Variants in STK32B observed in about 807,000 individuals in gnomAD.
STK32B encodes the protein serine/threonine kinase 32B, also known as serine/threonine-protein kinase 32B.
Under a neutral mutation model 52.6 loss-of-function variants are expected in STK32B, and 43 were observed. That is an observed-to-expected ratio of 0.82 (90% confidence interval 0.64 to 1.05). The LOEUF is 1.05. Ranked by LOEUF, STK32B falls within the 50% of genes least tolerant of loss-of-function variation. The probability of loss-of-function intolerance (pLI) is 0.00; values close to 1 mark genes in which losing one functional copy is unlikely to be tolerated. For synonymous variants in STK32B, 238 were observed against 204.3 expected (o/e 1.17, Z -1.41); for missense variants, 621 against 534.6 (o/e 1.16, Z -1.59).
chr4:5,211,164 TC>T (rs777956022), intron 3 of STK32B, among the ~76,000 whole-genome samples: 44 of 152,146 alleles, frequency 2.9e-4, no homozygotes, highest in Non-Finnish European at 1.8e-4. Context: ...CTCTGAGAAT[TC>T]CTTCAGTAAA....
intron 3 of STK32B, among the ~76,000 whole-genome samples, chr4:5,303,773 G>A (rs978121194): frequency 1.3e-5 from 2 of 152,028 alleles, no homozygotes; most frequent in East Asian, 1.9e-4. Context: ...GTCTAGAAGG[G>A]ATTTTCCAAT....
chr4:5,087,634 G>A (rs1383693837), intron 1 of STK32B, among the ~76,000 whole-genome samples: 3 of 151,688 alleles, frequency 2.0e-5, no homozygotes, highest in Non-Finnish European at 4.4e-5. Context: ...AAACAAAATA[G>A]AAGCAGAGTG....
rs548021481 is a variant in STK32B at position 5,491,148 on chromosome 4, C to G, written c.1107-7797C>G. On this transcript the variant is annotated intron_variant, in intron 11 of 11. Coordinates refer to ENST00000282908, the MANE Select transcript of STK32B (RefSeq NM_018401.3). Reference sequence around the variant, plus strand: ...GTTCTAGATTGCTGAAGAATCACCACACTGACTTCCACAATGGTTGAACTA... The same window carrying G: ...GTTCTAGATTGCTGAAGAATCACCAGACTGACTTCCACAATGGTTGAACTA... Among the ~76,000 whole-genome samples the G allele has an allele frequency of 2.0e-5, 3 of 152,322 alleles. No individual in the cohort carries two copies. In the East Asian group the frequency reaches 5.8e-4, roughly 29 times the overall value.
chr4:5,035,634 A>G, the STK32B span, among the ~76,000 whole-genome samples: 1 of 152,118 alleles, frequency 6.6e-6, no homozygotes, highest in Non-Finnish European at 1.5e-5. Context: ...GACGGTGGAG[A>G]CTGACATTGG....
At chr4:5,495,141 A>G (rs28884811) in intron 11 of STK32B, among the ~76,000 whole-genome samples, 55 of 152,294 alleles carry the variant, frequency 3.6e-4, no homozygotes, top group African/African-American at 1.2e-3. Flanking sequence ...AGATTGGGGA[A>G]GTTCTCCTGG....
intron 3 of STK32B, among the ~76,000 whole-genome samples, chr4:5,316,971 A>T (rs1240049323): frequency 1.4e-4 from 3 of 22,186 alleles, no homozygotes; most frequent in Non-Finnish European, 1.9e-4. Flanking sequence ...TATATATAAT[A>T]TATATAATAT....
At chr4:5,190,161 A>G (rs917944240) in intron 3 of STK32B, among the ~76,000 whole-genome samples, 4 of 152,196 alleles carry the variant, frequency 2.6e-5, no homozygotes, top group Admixed American at 2.6e-4. Flanking sequence ...TACATTGACT[A>G]AAAAACTGGG....
chr4:5,073,489 T>C (rs1711898805), intron 1 of STK32B, among the ~76,000 whole-genome samples: 1 of 152,022 alleles, frequency 6.6e-6, no homozygotes, highest in Non-Finnish European at 1.5e-5. Context: ...GTATGTGTTA[T>C]TATTTTTTCT....
chr4:5,496,811 A>G (rs1416366878), intron 11 of STK32B, among the ~76,000 whole-genome samples: 1 of 152,162 alleles, frequency 6.6e-6, no homozygotes, highest in Non-Finnish European at 1.5e-5. Flanking sequence ...GCTTTAAAAA[A>G]AAAAAAAACA....
chr4:5,493,243 G>T (rs1719906177), intron 11 of STK32B, among the ~76,000 whole-genome samples: 1 of 152,076 alleles, frequency 6.6e-6, no homozygotes, highest in Non-Finnish European at 1.5e-5. Context: ...ATTGATTATT[G>T]CCACAATTTC....
chr4:5,145,907 A>G (rs960195109), intron 2 of STK32B, among the ~76,000 whole-genome samples: 8 of 152,192 alleles, frequency 5.3e-5, no homozygotes, highest in African/African-American at 1.9e-4. Context: ...TGTATAAGAA[A>G]ACCTGGCTCA....
intron 1 of STK32B, among the ~76,000 whole-genome samples, chr4:5,082,730 TAAA>T (rs11296584): frequency 6.7e-6 from 1 of 148,242 alleles, no homozygotes. Flanking sequence ...ATGTTCGTAG[TAAA>T]AAAAAAAAAA....
intron 4 of STK32B, among the ~76,000 whole-genome samples, chr4:5,339,835 A>G (rs1450204668): frequency 2.0e-5 from 3 of 152,212 alleles, no homozygotes; most frequent in Non-Finnish European, 2.9e-5. Flanking sequence ...ATGTTCATAA[A>G]GAATTTATCT....
At chr4:5,261,683 G>A (rs1282495460) in intron 3 of STK32B, among the ~76,000 whole-genome samples, 1 of 152,124 alleles carries the variant, frequency 6.6e-6, no homozygotes, top group Non-Finnish European at 1.5e-5. Context: ...TATTTCTTAT[G>A]AACTACCACC....
chr4:5,481,742 A>G (rs1392884920), intron 11 of STK32B, among the ~76,000 whole-genome samples: 2 of 152,132 alleles, frequency 1.3e-5, no homozygotes, highest in East Asian at 3.8e-4. Flanking sequence ...TCTTTAATCC[A>G]TCTTGAATTA....
Position 5,164,835 on chromosome 4 carries a change from C to A in STK32B, c.109-3464C>A, listed in dbSNP as rs140565046. ...CCTGGAAGACCCACCCGTTGGAGAC[C>A]CACTTGTCTCCACTCAGTGCATTAG... On this transcript the variant is annotated intron_variant, in intron 2 of 11. Coordinates refer to ENST00000282908, the MANE Select transcript of STK32B (RefSeq NM_018401.3). Among the ~76,000 whole-genome samples, 38 of 152,322 alleles carry A rather than the reference C, an allele frequency of 2.5e-4. No homozygotes were observed. The East Asian group carries it at 6.6e-3, about 26-fold the overall frequency.
At chr4:5,033,069 T>A in the STK32B span, among the ~76,000 whole-genome samples, 4 of 151,942 alleles carry the variant, frequency 2.6e-5, no homozygotes, top group African/African-American at 9.7e-5. Context: ...GTACTGGAGA[T>A]TTGCTATTAT....
chr4:5,441,589 G>C (rs1273806617), intron 6 of STK32B, among the ~76,000 whole-genome samples: 1 of 151,484 alleles, frequency 6.6e-6, no homozygotes, highest in Non-Finnish European at 1.5e-5. Context: ...AGGGTTTTTT[G>C]TGTCTCTATT....
At chr4:5,039,649 CATT>C in the STK32B span, among the ~76,000 whole-genome samples, 1 of 152,184 alleles carries the variant, frequency 6.6e-6, no homozygotes, top group Non-Finnish European at 1.5e-5. Flanking sequence ...CATTTATTAT[CATT>C]ATCAGGTGTT....
Sources: gnomAD v4.1 joint callset for allele counts (sites outside exome capture counted in the v4.1 genomes callset) on GRCh38, gnomAD v4.1.1 for gene constraint, MANE v1.5 for transcripts, NCBI Gene and HGNC (gene_info 2026-07-23, HGNC 2026-07-21) for gene names.